Variants in EYS observed in about 807,000 individuals in gnomAD.
EYS encodes the protein protein eyes shut homolog.
In EYS, 250 loss-of-function variants were observed where a neutral mutation model predicts 282.1. That is an observed-to-expected ratio of 0.89 (90% CI 0.80 to 0.98). The LOEUF (loss-of-function observed/expected upper bound fraction) is 0.98, where lower values mean the gene tolerates loss of function less well. EYS is among the 50% of genes least tolerant of loss of function. EYS has a pLI of 0.00. For synonymous variants in EYS, 1,355 were observed against 1,282.9 expected (o/e 1.06, Z -1.20); for missense variants, 4,016 against 3,709.0 (o/e 1.08, Z -2.15).
intron 33 of EYS, among the ~76,000 whole-genome samples, chr6:64,008,413 T>C (rs1768450704): frequency 6.6e-6 from 1 of 152,194 alleles, no homozygotes; most frequent in Non-Finnish European, 1.5e-5. Flanking sequence ...CTTGTTTCTT[T>C]ATCCAACTTG....
intron 31 of EYS, among the ~76,000 whole-genome samples, chr6:64,190,988 C>A (rs931529099): frequency 6.6e-6 from 1 of 152,114 alleles, no homozygotes; most frequent in Admixed American, 6.6e-5. Flanking sequence ...CATTTTCATA[C>A]ATTTACTGGC....
chr6:64,804,835 A>G (rs971505270), intron 22 of EYS, among the ~76,000 whole-genome samples: 1 of 152,116 alleles, frequency 6.6e-6, no homozygotes, highest in African/African-American at 2.4e-5. Context: ...TGGAGACTAA[A>G]ACTAATTTGT....
At chr6:64,686,820 T>C (rs372270178) in intron 22 of EYS, among the ~76,000 whole-genome samples, 1,179 of 37,542 alleles carry the variant, frequency 0.031, 238 homozygotes, top group Non-Finnish European at 0.057. Flanking sequence ...TATATATATA[T>C]GTGTATATAT....
intron 31 of EYS, among the ~76,000 whole-genome samples, chr6:64,163,819 C>A (rs1775184600): frequency 6.6e-6 from 1 of 151,988 alleles, no homozygotes; most frequent in Admixed American, 6.6e-5. Flanking sequence ...TTTTAACTTT[C>A]AAGACAAAGC....
chr6:64,203,396 C>G (rs952273362), intron 31 of EYS, among the ~76,000 whole-genome samples: 1 of 152,172 alleles, frequency 6.6e-6, no homozygotes, highest in African/African-American at 2.4e-5. Flanking sequence ...GGAACCTAGT[C>G]ACGAGCCAGA....
intron 22 of EYS, among the ~76,000 whole-genome samples, chr6:64,727,443 A>T (rs1771794783): frequency 6.6e-6 from 1 of 152,170 alleles, no homozygotes; most frequent in Non-Finnish European, 1.5e-5. Context: ...CATGAATCTC[A>T]ACTCTCCTGC....
In EYS at chr6:65,057,626, G is replaced by A. The variant is rs1297908588; in HGVS notation, c.2125C>T (p.Pro709Ser). 1.3e-6 allele frequency: 2 copies of A among 1,545,750 alleles called. No individual in the cohort carries two copies. Among genetic ancestry groups the A allele is most frequent in the East Asian group, 4.9e-5 (2 of 40,856 alleles). Reference sequence around the variant, plus strand: ...TGGTGTTCATTACCTTTAAATGGAGGCACACACTGGCAGAAGTAATTACCA... The same window carrying A: ...TGGTGTTCATTACCTTTAAATGGAGACACACACTGGCAGAAGTAATTACCA... ...QPGNYFCQCV[P>S]PFKVVDGFSC... The change falls in exon 13 of 43, where the codon CCT (proline) becomes TCT (serine). Residue 709 changes from proline to serine, a missense_variant. Coordinates refer to ENST00000503581, the MANE Select transcript of EYS (RefSeq NM_001142800.2).
chr6:63,896,137 A>T (rs1162517471), intron 35 of EYS, among the ~76,000 whole-genome samples: 1 of 152,086 alleles, frequency 6.6e-6, no homozygotes, highest in African/African-American at 2.4e-5. Context: ...GATTTTTTAA[A>T]TTGTTCGTAT....
At chr6:64,965,437 G>A (rs1400671255) in intron 14 of EYS, among the ~76,000 whole-genome samples, 2 of 151,650 alleles carry the variant, frequency 1.3e-5, no homozygotes, top group African/African-American at 4.8e-5. Context: ...TTACATATAG[G>A]AAAGTAAATG....
rs545914498 is a variant in EYS, at chr6:63,745,789, C to A, written c.8071+16672G>T. On this transcript the variant is annotated intron_variant, in intron 41 of 42. Coordinates refer to ENST00000503581, the MANE Select transcript of EYS (RefSeq NM_001142800.2). ...CAAATACATATGTTGAAGCCCTAAT[C>A]CCCAGTGTGACAGTATTTGGAGATA... is the stretch of plus-strand genomic sequence containing the variant. 2.3e-3 allele frequency among the ~76,000 whole-genome samples: 348 copies of A among 152,266 alleles called. 2 individuals carry two copies. Among genetic ancestry groups the A allele is most frequent in the Middle Eastern group, 0.01 (3 of 294 alleles).
At chr6:64,769,780 A>C (rs1249921016) in intron 22 of EYS, among the ~76,000 whole-genome samples, 2 of 152,026 alleles carry the variant, frequency 1.3e-5, no homozygotes, top group Non-Finnish European at 2.9e-5. Context: ...GAACATGAGA[A>C]TAAGGTGTCA....
chr6:64,923,971 G>A (rs954598325), intron 15 of EYS, among the ~76,000 whole-genome samples: 2 of 152,176 alleles, frequency 1.3e-5, no homozygotes, highest in African/African-American at 2.4e-5. Context: ...GGGGTCTGGA[G>A]GATAGTGGCC....
At chr6:65,179,968 T>C (rs912327546) in intron 12 of EYS, among the ~76,000 whole-genome samples, 1 of 152,058 alleles carries the variant, frequency 6.6e-6, no homozygotes, top group African/African-American at 2.4e-5. Flanking sequence ...TATGATTATC[T>C]CAATAGATGC....
chr6:64,526,597 A>G (rs1280949832), intron 26 of EYS, among the ~76,000 whole-genome samples: 2 of 151,824 alleles, frequency 1.3e-5, no homozygotes, highest in Non-Finnish European at 2.9e-5. Flanking sequence ...CTACATTTCA[A>G]TAGTTTTTAA....
intron 37 of EYS, among the ~76,000 whole-genome samples, chr6:63,795,974 A>C (rs1770635483): frequency 1.3e-5 from 2 of 152,232 alleles, no homozygotes. Context: ...TGTAATTAGA[A>C]GTGGTCTAAT....
chr6:63,755,611 G>A (rs138648109), intron 41 of EYS, among the ~76,000 whole-genome samples: 39 of 152,214 alleles, frequency 2.6e-4, no homozygotes, highest in Middle Eastern at 3.4e-3. Flanking sequence ...CTGGCTATAC[G>A]AGCTCTTTTT....
intron 12 of EYS, among the ~76,000 whole-genome samples, chr6:65,141,542 A>G (rs890135713): frequency 7.9e-5 from 12 of 152,036 alleles, no homozygotes; most frequent in African/African-American, 2.9e-4. Context: ...ATTAACAACT[A>G]CAGATTCATG....
intron 26 of EYS, among the ~76,000 whole-genome samples, chr6:64,494,928 T>A (rs1191475513): frequency 6.6e-6 from 1 of 151,692 alleles, no homozygotes; most frequent in African/African-American, 2.4e-5. Context: ...TATATGATAA[T>A]ACAATAATCA....
intron 12 of EYS, among the ~76,000 whole-genome samples, chr6:65,207,020 G>A (rs1766052978): frequency 6.6e-6 from 1 of 151,758 alleles, no homozygotes; most frequent in Non-Finnish European, 1.5e-5. Flanking sequence ...TGAATTCGTA[G>A]CTAGAGCAAT....
Sources: allele counts gnomAD v4.1 joint callset (sites outside exome capture counted in the v4.1 genomes callset), GRCh38; gene constraint gnomAD v4.1.1; transcripts MANE v1.5; gene names NCBI Gene and HGNC (gene_info 2026-07-23, HGNC 2026-07-21).